The following CSMD1 variants were observed in gnomAD, a reference collection of about 807,000 sequenced individuals.
CSMD1 encodes the protein CUB and sushi domain-containing protein 1.
A neutral mutation model predicts 417.5 loss-of-function variants in CSMD1; 213 were observed. That is an observed-to-expected ratio of 0.51 (90% CI 0.46 to 0.57). The LOEUF is 0.57. CSMD1 is among the 20% of genes least tolerant of loss of function. The pLI is 0.00. For synonymous variants in CSMD1, 2,862 were observed against 1,736.8 expected, an observed-to-expected ratio of 1.65 and a Z score of -16.11; for missense variants, 6,923 against 4,529.7, an observed-to-expected ratio of 1.53 and a Z score of -15.17.
At chr8:4,707,493 G>C (rs764705187) in intron 1 of CSMD1, among the ~76,000 whole-genome samples, 1 of 152,184 alleles carries the variant, frequency 6.6e-6, no homozygotes, top group Non-Finnish European at 1.5e-5. Flanking sequence ...GATTTAGGAA[G>C]GGAAATCAGC....
chr8:4,297,358 G>T (rs542166010), intron 3 of CSMD1, among the ~76,000 whole-genome samples: 2 of 151,916 alleles, frequency 1.3e-5, no homozygotes, highest in Non-Finnish European at 2.9e-5. Context: ...CAAAACAAAA[G>T]ATAAAAGATG....
chr8:3,832,457 A>C (rs1802431626), intron 5 of CSMD1, among the ~76,000 whole-genome samples: 1 of 152,198 alleles, frequency 6.6e-6, no homozygotes, highest in Admixed American at 6.5e-5. Context: ...ATGTAAGATA[A>C]GATTTTTTGT....
chr8:4,179,512 G>A (rs1213446410), intron 3 of CSMD1, among the ~76,000 whole-genome samples: 2 of 150,280 alleles, frequency 1.3e-5, no homozygotes, highest in Non-Finnish European at 3.0e-5. Flanking sequence ...CAGGACGTAG[G>A]CATGGGCAAA....
At chr8:3,784,932 T>C (rs530556145) in intron 5 of CSMD1, among the ~76,000 whole-genome samples, 1 of 152,320 alleles carries the variant, frequency 6.6e-6, no homozygotes, top group South Asian at 2.1e-4. Context: ...AGTTTCCTGT[T>C]GAGCTAAAAT....
intron 1 of CSMD1, among the ~76,000 whole-genome samples, chr8:4,774,766 T>A (rs1796762760): frequency 6.6e-6 from 1 of 152,122 alleles, no homozygotes; most frequent in Non-Finnish European, 1.5e-5. Flanking sequence ...CAGGAGACCT[T>A]GTTGTTTAAA....
intron 3 of CSMD1, among the ~76,000 whole-genome samples, chr8:4,314,107 G>C (rs1244476615): frequency 6.6e-6 from 1 of 151,940 alleles, no homozygotes; most frequent in Non-Finnish European, 1.5e-5. Context: ...ATTCAACACT[G>C]ATACCACCAT....
intron 56 of CSMD1, among the ~76,000 whole-genome samples, chr8:2,973,855 A>AGAGGATGG (rs1804678578): frequency 7.2e-6 from 1 of 138,786 alleles, no homozygotes; most frequent in Admixed American, 6.9e-5. Flanking sequence ...GTAGAGGATG[A>AGAGGATGG]TGGTAGAGGA....
At chr8:4,417,361 T>C (rs897087728) in intron 3 of CSMD1, among the ~76,000 whole-genome samples, 1 of 151,964 alleles carries the variant, frequency 6.6e-6, no homozygotes, top group Admixed American at 6.6e-5. Context: ...CAGACAACAG[T>C]TGAGTTTGGT....
chr8:4,145,682 C>A (rs1375545076), intron 3 of CSMD1, among the ~76,000 whole-genome samples: 1 of 151,002 alleles, frequency 6.6e-6, no homozygotes. Flanking sequence ...CAACACCACA[C>A]CTGGCCACAT....
chr8:4,410,505 T>C (rs545056173), intron 3 of CSMD1, among the ~76,000 whole-genome samples: 1 of 152,332 alleles, frequency 6.6e-6, no homozygotes, highest in East Asian at 1.9e-4. Flanking sequence ...CTAGTTACTG[T>C]ATAAGAGAGA....
At chr8:4,098,306 C>A (rs1288364467) in intron 3 of CSMD1, among the ~76,000 whole-genome samples, 1 of 152,100 alleles carries the variant, frequency 6.6e-6, no homozygotes. Context: ...GGAACAAGAA[C>A]TTCATAAAGT....
chr8:4,042,527 C>T (rs1797942682), intron 3 of CSMD1, among the ~76,000 whole-genome samples: 1 of 151,986 alleles, frequency 6.6e-6, no homozygotes, highest in Non-Finnish European at 1.5e-5. Context: ...CTAGCAGGCC[C>T]ATACCACAAG....
At chr8:3,489,179 G>T (rs1192224276) in intron 11 of CSMD1, among the ~76,000 whole-genome samples, 1 of 152,148 alleles carries the variant, frequency 6.6e-6, no homozygotes, top group East Asian at 1.9e-4. Flanking sequence ...AGGGAGAAAT[G>T]ACGTCTCAGC....
At chr8:4,209,523 C>A (rs1198405537) in intron 3 of CSMD1, among the ~76,000 whole-genome samples, 1 of 152,200 alleles carries the variant, frequency 6.6e-6, no homozygotes, top group Non-Finnish European at 1.5e-5. Flanking sequence ...CTCTGGGAAA[C>A]AGGAGCCGCG....
chr8:3,392,263 T>A (rs79171962), intron 17 of CSMD1, among the ~76,000 whole-genome samples: 1,776 of 151,892 alleles, frequency 0.012, 43 homozygotes, highest in East Asian at 0.094. Flanking sequence ...AATAAAAAAA[T>A]AAAATAAATA....
intron 3 of CSMD1, among the ~76,000 whole-genome samples, chr8:4,195,749 G>C (rs1208129404): frequency 2.0e-5 from 3 of 152,138 alleles, no homozygotes; most frequent in African/African-American, 4.8e-5. Flanking sequence ...GGCTCTCCGT[G>C]CTCATGCCAG....
At chr8:4,662,082 T>G (rs1387951873) in intron 1 of CSMD1, among the ~76,000 whole-genome samples, 8 of 152,162 alleles carry the variant, frequency 5.3e-5, no homozygotes, top group Admixed American at 2.0e-4. Flanking sequence ...GATAAAAATT[T>G]GGGACTAGAG....
intron 2 of CSMD1, among the ~76,000 whole-genome samples, chr8:4,431,916 G>T (rs1585064464): frequency 6.6e-6 from 1 of 151,862 alleles, no homozygotes; most frequent in Non-Finnish European, 1.5e-5. Context: ...GTAACAATTG[G>T]GTAAATGGGA....
intron 10 of CSMD1, among the ~76,000 whole-genome samples, chr8:3,558,891 G>C (rs1469281650): frequency 6.6e-6 from 1 of 152,108 alleles, no homozygotes; most frequent in Non-Finnish European, 1.5e-5. Context: ...GTTGCTCAAG[G>C]TGTCTGAAAA....
Sources: allele counts gnomAD v4.1 joint callset (sites outside exome capture counted in the v4.1 genomes callset), GRCh38; gene constraint gnomAD v4.1.1; transcripts MANE v1.5; gene names NCBI Gene and HGNC (gene_info 2026-07-23, HGNC 2026-07-21).